The following GRM7 variants were observed in gnomAD, a reference collection of about 807,000 sequenced individuals.
The protein encoded by GRM7 is metabotropic glutamate receptor 7.
GRM7 carries 35 observed loss-of-function variants against 84.5 expected under a neutral mutation model. The observed-to-expected ratio is 0.41, with a 90% CI of 0.32 to 0.55. The LOEUF is 0.55. GRM7 is among the 20% of genes least tolerant of loss of function. GRM7 has a pLI of 0.19. For synonymous variants in GRM7, 487 were observed against 455.1 expected, an observed-to-expected ratio of 1.07 and a Z score of -0.89; for missense variants, 1,003 against 1,194.6, an observed-to-expected ratio of 0.84 and a Z score of 2.36.
At chr3:7,298,556 G>A (rs112703135) in intron 2 of GRM7, 128 bp from the exon 3 acceptor site, 10 of 728,828 alleles carry the variant, frequency 1.4e-5, no homozygotes, top group African/African-American at 5.3e-5. Context: ...TGCTGTCCTC[G>A]CTTAGCAACA....
chr3:7,343,864 C>G (rs755587333), intron 4 of GRM7, among the ~76,000 whole-genome samples: 2 of 151,990 alleles, frequency 1.3e-5, no homozygotes, highest in African/African-American at 4.8e-5. Flanking sequence ...CCACGATATT[C>G]CTTCATATTT....
At chr3:7,357,000 A>G (rs1393727441) in intron 4 of GRM7, among the ~76,000 whole-genome samples, 2 of 149,724 alleles carry the variant, frequency 1.3e-5, no homozygotes, top group African/African-American at 2.4e-5. Context: ...GACATATTTT[A>G]TATATCATAT....
chr3:7,321,068 G>A lies in GRM7; in HGVS notation c.1033+14416G>A, dbSNP rs1347600648. 4.6e-5 allele frequency among the ~76,000 whole-genome samples: 7 copies of A among 151,912 alleles called. No individual in the cohort carries two copies. In the South Asian group the frequency reaches 8.3e-4, roughly 18 times the overall value. On this transcript the variant is annotated intron_variant, in intron 4 of 9. Transcript: ENST00000357716. ...CTTCTTTAGGCCTCACTGCTATTGA[G>A]TCCCCTAGATGAGCTTTCAATACAG...
chr3:7,129,042 A>AGT lies in GRM7; in HGVS notation c.520-17410_520-17409insGT, dbSNP rs1279291949. Among the ~76,000 whole-genome samples, 320 of 152,316 alleles carry AGT rather than the reference A, an allele frequency of 2.1e-3. 1 individual carries two copies. Among genetic ancestry groups the AGT allele is most frequent in the Non-Finnish European group, 2.9e-3 (200 of 68,016 alleles). The stretch of plus-strand genomic sequence containing the variant: ...GAACGTGTTTAGTGCACATTCACGG[A>AGT]TGTTCATAGCAGAGTTGGTATGTTA... On this transcript the variant is annotated intron_variant, in intron 1 of 9. Coordinates refer to ENST00000357716, the MANE Select transcript of GRM7 (RefSeq NM_000844.4).
At chr3:7,321,211 T>C (rs1428626617) in intron 4 of GRM7, among the ~76,000 whole-genome samples, 1 of 152,046 alleles carries the variant, frequency 6.6e-6, no homozygotes, top group African/African-American at 2.4e-5. Context: ...GAATTATTTT[T>C]GTTCTGACTT....
At chr3:6,902,084 G>A (rs778798040) in intron 1 of GRM7, among the ~76,000 whole-genome samples, 3 of 152,014 alleles carry the variant, frequency 2.0e-5, no homozygotes, top group Non-Finnish European at 4.4e-5. Flanking sequence ...ACTTTATTAC[G>A]AAGTGAGTTA....
chr3:7,066,640 A>G (rs780653318), intron 1 of GRM7, among the ~76,000 whole-genome samples: 4 of 151,976 alleles, frequency 2.6e-5, no homozygotes, highest in African/African-American at 4.8e-5. Flanking sequence ...TCCACAAGAT[A>G]GAGAAAGAAG....
In GRM7 at chr3:6,977,386, T is replaced by C. The variant is rs560555335; in HGVS notation, c.519+115479T>C. ...TTGTCTGTGTGTGTGTGTGTCTGTGTGCGTGTGTGTTGGTGTGTTGTTTTG... is the reference window on the plus strand; with the variant it reads ...TTGTCTGTGTGTGTGTGTGTCTGTGCGCGTGTGTGTTGGTGTGTTGTTTTG... On this transcript the variant is annotated intron_variant, in intron 1 of 9. Coordinates refer to ENST00000357716, the MANE Select transcript of GRM7 (RefSeq NM_000844.4). Among the ~76,000 whole-genome samples, 47 of 152,246 alleles carry C rather than the reference T, an allele frequency of 3.1e-4. 1 individual carries two copies. The highest frequency in any genetic ancestry group is 1.1e-3 in the African/African-American group (45 of 41,542).
At chr3:7,326,833 C>CAAA (rs369799542) in intron 4 of GRM7, among the ~76,000 whole-genome samples, 1 of 109,940 alleles carries the variant, frequency 9.1e-6, no homozygotes, top group Non-Finnish European at 1.9e-5. Context: ...AACTCCGTCT[C>CAAA]AAAAAAAAAA....
At chr3:7,112,104 CAAAG>C (rs1418926237) in intron 1 of GRM7, among the ~76,000 whole-genome samples, 3 of 152,152 alleles carry the variant, frequency 2.0e-5, no homozygotes, top group African/African-American at 7.2e-5. Context: ...GATCACCTCT[CAAAG>C]AAAGCAGGGG....
At chr3:7,517,070 C>G (rs1024509109) in intron 7 of GRM7, among the ~76,000 whole-genome samples, 1 of 152,146 alleles carries the variant, frequency 6.6e-6, no homozygotes, top group Non-Finnish European at 1.5e-5. Context: ...TGCTTTCTTT[C>G]ACACTCTGCA....
chr3:7,682,245 G>A (rs1053334890), intron 9 of GRM7: 3 of 146,926 alleles, frequency 2.0e-5, no homozygotes, highest in Non-Finnish European at 3.0e-5. Flanking sequence ...TGAGGCAGGA[G>A]AATCGCTTGA....
intron 1 of GRM7, among the ~76,000 whole-genome samples, chr3:6,883,817 A>G (rs1448736264): frequency 6.6e-6 from 1 of 152,184 alleles, no homozygotes; most frequent in Non-Finnish European, 1.5e-5. Flanking sequence ...TAGAATCTTG[A>G]TCCAGTCAGC....
At chr3:7,204,265 C>T (rs906745158) in intron 2 of GRM7, among the ~76,000 whole-genome samples, 1 of 152,130 alleles carries the variant, frequency 6.6e-6, no homozygotes, top group Non-Finnish European at 1.5e-5. Flanking sequence ...ATTTAAAGTT[C>T]AGAGGAGGAG....
intron 1 of GRM7, among the ~76,000 whole-genome samples, chr3:6,900,813 G>A (rs1386303559): frequency 1.3e-5 from 2 of 152,138 alleles, no homozygotes; most frequent in African/African-American, 2.4e-5. Context: ...GCCCAAATAA[G>A]GTCCATCAGG....
intron 4 of GRM7, among the ~76,000 whole-genome samples, chr3:7,348,379 A>T (rs1692984465): frequency 6.6e-6 from 1 of 152,006 alleles, no homozygotes. Context: ...CTTTCTACTG[A>T]TATCCTGCTT....
At chr3:7,270,959 G>A (rs1698831176) in intron 2 of GRM7, among the ~76,000 whole-genome samples, 1 of 152,160 alleles carries the variant, frequency 6.6e-6, no homozygotes, top group Non-Finnish European at 1.5e-5. Flanking sequence ...TTGTTAACTA[G>A]CTGCCTTGAA....
chr3:7,400,762 G>A (rs1695415275), intron 4 of GRM7, among the ~76,000 whole-genome samples: 1 of 152,024 alleles, frequency 6.6e-6, no homozygotes, highest in Admixed American at 6.6e-5. Flanking sequence ...ATTTCTTCTT[G>A]TATTGTGGTT....
chr3:6,861,448 G>C lies in GRM7; in HGVS notation c.60G>C (p.Val20=), dbSNP rs756048453. 6.2e-7 allele frequency: 1 copy of C among 1,602,768 alleles called. No individual in the cohort carries two copies. Among genetic ancestry groups the C allele is most frequent in the African/African-American group, 1.3e-5 (1 of 74,734 alleles). The change falls in exon 1 of 10, where the codon GTG becomes GTC. Residue 20 remains valine (V), a synonymous_variant. Transcript: ENST00000357716. This position sits in a 1 kb window ranked among gnomAD's most constrained non-coding sequence, Gnocchi z 6.4. ...VLTLMKFPCC[V]LEVLLCALAA... Reference sequence around the variant, plus strand: ...CTTTGATGAAGTTCCCCTGCTGCGTGCTGGAGGTGCTCCTGTGCGCGCTGG... The same window carrying C: ...CTTTGATGAAGTTCCCCTGCTGCGTCCTGGAGGTGCTCCTGTGCGCGCTGG...
Sources: allele counts gnomAD v4.1 joint callset (sites outside exome capture counted in the v4.1 genomes callset), GRCh38; gene constraint gnomAD v4.1.1; non-coding constraint Gnocchi (gnomAD v3.1); transcripts MANE v1.5; gene names NCBI Gene and HGNC (gene_info 2026-07-23, HGNC 2026-07-21).